Variants in MALRD1 observed in about 807,000 individuals in gnomAD.
MALRD1 encodes MAM and LDL-receptor class A domain-containing protein 1.
A neutral mutation model predicts 242.1 loss-of-function variants in MALRD1; 247 were observed. The ratio of observed to expected loss-of-function variants is 1.02; its 90% CI spans 0.92 to 1.13. The LOEUF is 1.13. MALRD1 is among the 50% of genes most tolerant of loss of function. MALRD1 has a pLI of 0.00. For synonymous variants in MALRD1, 995 were observed against 866.6 expected, an observed-to-expected ratio of 1.15 and a Z score of -2.60; for missense variants, 2,989 against 2,533.1, an observed-to-expected ratio of 1.18 and a Z score of -3.86.
rs566899492 is a variant in MALRD1, at chr10:19,345,559, G to GA, written c.3902-2202dup. 6.6e-3 allele frequency among the ~76,000 whole-genome samples: 974 copies of GA among 148,436 alleles called. 7 individuals are homozygous for GA. The highest frequency in any genetic ancestry group is 0.023 in the African/African-American group (922 of 40,656). ...TTATAAGTATTATAGTCTATTCTAG[G>GA]AAAAAAAAAATTACAAAATACATTT... On this transcript the variant is annotated intron_variant, in intron 24 of 39. Transcript: ENST00000454679.
At chr10:19,659,595 TA>T (rs1364431356) in intron 36 of MALRD1, among the ~76,000 whole-genome samples, 6 of 152,198 alleles carry the variant, frequency 3.9e-5, no homozygotes, top group African/African-American at 1.4e-4. Flanking sequence ...GTCTGCCTCA[TA>T]AAAGCCATTT....
At chr10:19,339,868 C>A (rs949877604) in intron 24 of MALRD1, among the ~76,000 whole-genome samples, 1 of 152,160 alleles carries the variant, frequency 6.6e-6, no homozygotes, top group Non-Finnish European at 1.5e-5. Flanking sequence ...AACTGACTTA[C>A]AGTTCCACAT....
At chr10:19,243,074 T>TTGTG (rs111981733) in intron 18 of MALRD1, among the ~76,000 whole-genome samples, 6 of 147,286 alleles carry the variant, frequency 4.1e-5, no homozygotes, top group African/African-American at 1.5e-4. Flanking sequence ...TTTTTTTTTT[T>TTGTG]TGTGTGTGTA....
intron 29 of MALRD1, among the ~76,000 whole-genome samples, chr10:19,486,901 T>G (rs1160833867): frequency 6.6e-6 from 1 of 152,134 alleles, no homozygotes; most frequent in African/African-American, 2.4e-5. Flanking sequence ...GGTGAGAGTT[T>G]GTTTAAATCT....
chr10:19,586,256 CT>C (rs1366400236), intron 33 of MALRD1, among the ~76,000 whole-genome samples: 1 of 152,186 alleles, frequency 6.6e-6, no homozygotes, highest in Non-Finnish European at 1.5e-5. Context: ...CAGCTTTGTT[CT>C]GTTGCTGGTG....
intron 32 of MALRD1, among the ~76,000 whole-genome samples, chr10:19,562,718 G>T (rs1444850573): frequency 6.6e-6 from 1 of 152,088 alleles, no homozygotes; most frequent in African/African-American, 2.4e-5. Context: ...AGAAGGTGAG[G>T]GGCAGGTGAG....
chr10:19,273,712 C>T (rs868346076), intron 19 of MALRD1, among the ~76,000 whole-genome samples: 12 of 151,988 alleles, frequency 7.9e-5, no homozygotes, highest in Admixed American at 1.3e-4. Flanking sequence ...TTAGTGTTTG[C>T]CATTGTTTAG....
At chr10:19,493,804 C>G (rs1837598177) in intron 30 of MALRD1, among the ~76,000 whole-genome samples, 1 of 149,678 alleles carries the variant, frequency 6.7e-6, no homozygotes, top group Non-Finnish European at 1.5e-5. Flanking sequence ...CAGAGTGAGA[C>G]TCGTCTCAAA....
At chr10:19,695,166 A>G (rs941015661) in intron 38 of MALRD1, among the ~76,000 whole-genome samples, 2 of 152,148 alleles carry the variant, frequency 1.3e-5, no homozygotes, top group African/African-American at 2.4e-5. Flanking sequence ...GTGCATGTAT[A>G]CATATGTAAA....
At chr10:19,514,305 C>T (rs1315372730) in intron 31 of MALRD1, among the ~76,000 whole-genome samples, 1 of 152,128 alleles carries the variant, frequency 6.6e-6, no homozygotes, top group African/African-American at 2.4e-5. Flanking sequence ...ATATTAATAA[C>T]ATATCATACA....
Position 19,633,359 on chromosome 10 carries a change from A to T in MALRD1, c.6137+17436A>T, listed in dbSNP as rs1196311345. ...ACTTCGAGGGGACTTCCCAGAGAGCATTGATATGTTTCTTACAGTAGTAAA... is the reference window on the plus strand; with the variant it reads ...ACTTCGAGGGGACTTCCCAGAGAGCTTTGATATGTTTCTTACAGTAGTAAA... On this transcript the variant is annotated intron_variant, in intron 36 of 39. Coordinates refer to ENST00000454679, the MANE Select transcript of MALRD1 (RefSeq NM_001142308.3). Among the ~76,000 whole-genome samples the T allele has an allele frequency of 2.6e-5, 4 of 152,184 alleles. No homozygotes were observed. In the East Asian group the frequency reaches 7.7e-4, roughly 29 times the overall value.
intron 28 of MALRD1, among the ~76,000 whole-genome samples, chr10:19,417,909 C>G (rs1349919383): frequency 1.3e-5 from 2 of 152,002 alleles, no homozygotes; most frequent in Admixed American, 1.3e-4. Flanking sequence ...CCTTATTGTT[C>G]AACAAAGCTT....
At chr10:19,096,514 G>A (rs1275395174) in intron 4 of MALRD1, among the ~76,000 whole-genome samples, 1 of 152,186 alleles carries the variant, frequency 6.6e-6, no homozygotes, top group East Asian at 1.9e-4. Context: ...AGCCTTTTCG[G>A]ATTGCAGGTA....
intron 34 of MALRD1, among the ~76,000 whole-genome samples, chr10:19,606,019 T>C (rs1838603018): frequency 6.6e-6 from 1 of 152,160 alleles, no homozygotes; most frequent in Middle Eastern, 3.2e-3. Flanking sequence ...GTCAGCGTTT[T>C]CAGTCAATGG....
intron 13 of MALRD1, among the ~76,000 whole-genome samples, chr10:19,172,030 CAT>C (rs1382358532): frequency 3.8e-5 from 1 of 26,076 alleles, no homozygotes; most frequent in African/African-American, 2.2e-4. Flanking sequence ...TCATATATCA[CAT>C]ATATGTGATA....
At position 19,615,970 on chromosome 10, in the gene MALRD1, G is replaced by A. The variant is rs1589311762; in HGVS notation, c.6137+47G>A. Reference sequence around the variant, plus strand: ...TTTTTTTTAAGATTTTTTGGAGTTGGCTTACTTATTTTTCTATAGGCTGAT... The same window carrying A: ...TTTTTTTTAAGATTTTTTGGAGTTGACTTACTTATTTTTCTATAGGCTGAT... On this transcript the variant is annotated intron_variant, in intron 36 of 39. Transcript: ENST00000454679. 6.4e-6 allele frequency: 9 copies of A among 1,402,146 alleles called. No homozygotes were observed. In the East Asian group the frequency reaches 2.3e-4, roughly 35 times the overall value. 86.9% of individuals were successfully genotyped at this position (1,402,146 alleles called of 1,614,324 possible). A position where few individuals can be genotyped will look rare whatever the true frequency, so the allele number is the denominator to read the frequency against.
chr10:19,276,821 CT>C lies in MALRD1; in HGVS notation c.3080-3217del, dbSNP rs200213267. Among the ~76,000 whole-genome samples, 27 of 148,040 alleles carry C rather than the reference CT, an allele frequency of 1.8e-4. No individual in the cohort carries two copies. The South Asian group carries it at 2.3e-3, about 13-fold the overall frequency. On this transcript the variant is annotated intron_variant, in intron 19 of 39. Coordinates refer to ENST00000454679, the MANE Select transcript of MALRD1 (RefSeq NM_001142308.3). ...AAAGTTTCCAACCTGTTAGGATCTCCTTTTTTTTTGTGGTGTTGTCATTGGC... is the reference window on the plus strand; with the variant it reads ...AAAGTTTCCAACCTGTTAGGATCTCCTTTTTTTTGTGGTGTTGTCATTGGC...
At chr10:19,203,980 A>C (rs1836667526) in intron 15 of MALRD1, 100 bp downstream of exon 15, 1 of 1,348,656 alleles carries the variant, frequency 7.4e-7, no homozygotes, top group Admixed American at 2.0e-5. Context: ...TAACTACAAC[A>C]AACAGTCAGA....
chr10:19,154,987 G>A (rs1174493193), intron 11 of MALRD1, 88 bp from the exon 12 acceptor site: 2 of 634,700 alleles, frequency 3.2e-6, no homozygotes, highest in Non-Finnish European at 4.5e-6. Flanking sequence ...TGATAGTTTA[G>A]CATGTGCAAG....
Sources: allele counts gnomAD v4.1 joint callset (sites outside exome capture counted in the v4.1 genomes callset), GRCh38; gene constraint gnomAD v4.1.1; transcripts MANE v1.5; gene names NCBI Gene and HGNC (gene_info 2026-07-23, HGNC 2026-07-21).